Variants in TACC2 observed in about 807,000 individuals in gnomAD.
The protein encoded by TACC2 is transforming acidic coiled-coil-containing protein 2.
Under a neutral mutation model 227.3 loss-of-function variants are expected in TACC2, and 137 were observed. The ratio of observed to expected loss-of-function variants is 0.60; its 90% CI spans 0.52 to 0.69. The LOEUF is 0.69. Among genes scored for constraint, TACC2 ranks in the 30% least tolerant of loss-of-function variants. TACC2 has a pLI of 0.00. For missense variants in TACC2, 3,470 were observed against 3,694.4 expected, an observed-to-expected ratio of 0.94 and a Z score of 1.57; for synonymous variants, 1,523 against 1,487.5, an observed-to-expected ratio of 1.02 and a Z score of -0.55.
intron 2 of TACC2, among the ~76,000 whole-genome samples, chr10:122,028,087 T>TTTTTTTTTTCTTTCTTTCTTTCTTTC (rs1958312400): frequency 9.0e-6 from 1 of 111,322 alleles, no homozygotes; most frequent in Non-Finnish European, 1.8e-5. Context: ...TTTCTTTCTT[T>TTTTTTTTTTCTTTCTTTCTTTCTTTC]TTTTTTTTTT....
chr10:122,243,205 A>G (rs541374317), intron 19 of TACC2, among the ~76,000 whole-genome samples: 12 of 152,272 alleles, frequency 7.9e-5, no homozygotes, highest in Admixed American at 2.0e-4. Context: ...CGGCCTCCCA[A>G]GGTGCTGGGA....
At chr10:122,070,796 A>T (rs1199315089) in intron 3 of TACC2, among the ~76,000 whole-genome samples, 1 of 150,858 alleles carries the variant, frequency 6.6e-6, no homozygotes, top group African/African-American at 2.4e-5. Flanking sequence ...GTGGTAATGC[A>T]TGCCTGTAGC....
At chr10:122,152,999 C>CTTTCTTTCTTTTTTT (rs71026005) in intron 7 of TACC2, among the ~76,000 whole-genome samples, 1 of 135,024 alleles carries the variant, frequency 7.4e-6, no homozygotes, top group Non-Finnish European at 1.6e-5. Flanking sequence ...TTCTTTCTTT[C>CTTTCTTTCTTTTTTT]TTTTTTTTTT....
chr10:122,200,765 C>G (rs2094782900), intron 8 of TACC2, among the ~76,000 whole-genome samples: 1 of 147,710 alleles, frequency 6.8e-6, no homozygotes, highest in Non-Finnish European at 1.5e-5. Flanking sequence ...GGACGGCCAC[C>G]TCACCTGCCC....
intron 1 of TACC2, among the ~76,000 whole-genome samples, chr10:122,012,749 G>A (rs985841838): frequency 6.6e-6 from 1 of 152,152 alleles, no homozygotes; most frequent in African/African-American, 2.4e-5. Flanking sequence ...GAGCCCCACA[G>A]AAGTGAACCT....
intron 7 of TACC2, among the ~76,000 whole-genome samples, chr10:122,182,111 C>T (rs971499354): frequency 6.6e-6 from 1 of 152,200 alleles, no homozygotes; most frequent in Non-Finnish European, 1.5e-5. Flanking sequence ...CGTTGAGACA[C>T]ACAGTAGACC....
In TACC2 at chr10:122,083,192, C is replaced by A; in HGVS notation, c.692C>A (p.Ala231Glu). The change falls in exon 4 of 23, where the codon GCA (alanine) becomes GAA (glutamate). Residue 231 changes from alanine (A) to glutamate (E), a missense_variant. Around this residue, in one of 10 missense-constraint regions of TACC2, gnomAD observed 405 missense variants for 389.6 expected, o/e 1.04. Transcript: ENST00000369005. ...TTTGAGTCCCAAGAGAAAGAGGCTG[C>A]AGGTGGCTTTCCCCCTGCAGAGTCC... is the stretch of plus-strand genomic sequence containing the variant. ...GGFESQEKEA[A>E]GGFPPAESRQ... The A allele has an allele frequency of 1.9e-6, 3 of 1,613,382 alleles. No individual in the cohort carries two copies. The highest frequency in any genetic ancestry group is 2.5e-6 in the Non-Finnish European group (3 of 1,180,004).
At position 122,129,055 on chromosome 10, in the gene TACC2, A is replaced by AT. The variant is rs201137844; in HGVS notation, c.5574-3550dup. ...ATCTAGATACATGAAGATCTATCTT[A>AT]TTTTAATTATTATTATTATTATTAT... On this transcript the variant is annotated intron_variant, in intron 5 of 22. Transcript: ENST00000369005. Among the ~76,000 whole-genome samples the AT allele has an allele frequency of 1.3e-3, 122 of 94,556 alleles. 1 individual carries two copies. The highest frequency in any genetic ancestry group is 5.7e-3 in the Middle Eastern group (1 of 176). The allele number at this position is 94,556 out of a possible 152,430, so 62.0% of individuals were successfully genotyped here.
chr10:122,213,301 C>A, intron 9 of TACC2: 5 of 1,599,468 alleles, frequency 3.1e-6, no homozygotes, highest in South Asian at 1.1e-5. Flanking sequence ...TTTGTCAGTT[C>A]CTTCTGTCTG....
intron 5 of TACC2, among the ~76,000 whole-genome samples, chr10:122,111,448 G>A (rs1342241306): frequency 1.3e-5 from 2 of 149,578 alleles, no homozygotes; most frequent in Non-Finnish European, 3.0e-5. Context: ...GTGGTGAGTG[G>A]TGTATGTTTT....
Position 122,210,998 on chromosome 10 carries a change from G to A in TACC2, c.6573G>A (p.Thr2191=), listed in dbSNP as rs35913854. Residue 2191 remains threonine, a synonymous_variant, in exon 9 of 23, where the codon ACG becomes ACA. Coordinates refer to ENST00000369005, the MANE Select transcript of TACC2 (RefSeq NM_206862.4). This position sits in a 1 kb window ranked among gnomAD's most constrained non-coding sequence, Gnocchi z 4.6. ...CTAGCCCAGCCTTATTGGAGGAGAC[G>A]CCCCTTGAGCCCGCTGTGGGGCCCA... The part of the protein sequence containing the change: ...EGPSPALLEE[T]PLEPAVGPKA... The A allele has an allele frequency of 0.012, 19,335 of 1,612,460 alleles. 1,748 individuals carry two copies. The African/African-American group carries it at 0.21, about 17-fold the overall frequency.
In TACC2 at chr10:122,210,233, T is replaced by A. The variant is rs1185755325; in HGVS notation, c.5972-164T>A. The A allele has an allele frequency of 1.6e-6, 1 of 636,312 alleles. No individual in the cohort carries two copies. The highest frequency in any genetic ancestry group is 1.8e-5 in the African/African-American group (1 of 54,494). 39.4% of individuals were successfully genotyped at this position (636,312 alleles called of 1,614,324 possible). On this transcript the variant is annotated intron_variant, in intron 8 of 22. Coordinates refer to ENST00000369005, the MANE Select transcript of TACC2 (RefSeq NM_206862.4). The surrounding 1 kb of genome is among the most constrained non-coding windows in gnomAD (Gnocchi z 4.6). The stretch of plus-strand genomic sequence containing the variant: ...GCCTGGGTCTTGAGCTAATTACGGG[T>A]AGGTCAGGTTCTGTACCCAAGTAGT...
At chr10:122,064,301 A>G (rs780902730) in intron 3 of TACC2, among the ~76,000 whole-genome samples, 13 of 152,172 alleles carry the variant, frequency 8.5e-5, no homozygotes, top group Non-Finnish European at 1.6e-4. Flanking sequence ...GTTCCCATGC[A>G]CACTTCCCTC....
intron 1 of TACC2, among the ~76,000 whole-genome samples, chr10:122,017,134 A>G (rs1956751921): frequency 1.3e-5 from 2 of 152,168 alleles, no homozygotes; most frequent in Non-Finnish European, 2.9e-5. Flanking sequence ...GGAGCTGACC[A>G]GAGCAGCCTC....
chr10:122,125,775 C>CATTTT (rs1439047359), intron 5 of TACC2, among the ~76,000 whole-genome samples: 1 of 63,654 alleles, frequency 1.6e-5, no homozygotes, highest in South Asian at 1.0e-3. Context: ...CAATATCCTT[C>CATTTT]CTTTTTTTTT....
chr10:122,247,928 T>G (rs1000607838), intron 19 of TACC2: 2 of 152,324 alleles, frequency 1.3e-5, no homozygotes, highest in Non-Finnish European at 2.9e-5. Flanking sequence ...TGGGGCAGAT[T>G]ATTAGCTTGG....
chr10:122,023,075 C>A (rs1418633629), intron 2 of TACC2: 1 of 151,942 alleles, frequency 6.6e-6, no homozygotes, highest in Non-Finnish European at 1.5e-5. Flanking sequence ...CAGAGTCTCT[C>A]TCTGTCACCC....
In TACC2 at chr10:122,249,651, C is replaced by T. The variant is rs769288113; in HGVS notation, c.8768C>T (p.Thr2923Met). Residue 2923 changes from threonine to methionine, a missense_variant, in exon 22 of 23, where the codon ACG becomes ATG. This residue lies in a region of TACC2 where 89 missense variants were observed against 91.4 expected (regional missense o/e 0.97). Coordinates refer to ENST00000369005, the MANE Select transcript of TACC2 (RefSeq NM_206862.4). ...EQLRVDALER[T>M]LEQKNKEIEE... is the part of the protein sequence containing the mutation. ...CTGCGAGTGGACGCCCTGGAAAGGA[C>T]GCTGGAGCAGAAGGTAATAGGGGAG... The T allele has an allele frequency of 7.4e-6, 12 of 1,613,358 alleles. No homozygotes were observed. Among genetic ancestry groups the T allele is most frequent in the East Asian group, 4.5e-5 (2 of 44,842 alleles).
intron 6 of TACC2, 91 bp from the exon 7 acceptor site, chr10:122,143,481 C>CTGGGTG (rs1565423937): frequency 2.1e-6 from 2 of 975,586 alleles, no homozygotes; most frequent in Non-Finnish European, 2.7e-6. Flanking sequence ...CATGTGTGGG[C>CTGGGTG]GGGTGGGTTG....
Sources: gnomAD v4.1 joint callset for allele counts (sites outside exome capture counted in the v4.1 genomes callset) on GRCh38, gnomAD v4.1.1 for gene constraint, gnomAD v4.1.1 regional missense constraint, Gnocchi (gnomAD v3.1) non-coding constraint, MANE v1.5 for transcripts, NCBI Gene and HGNC (gene_info 2026-07-23, HGNC 2026-07-21) for gene names.